Variants in DGKI observed in about 807,000 individuals in gnomAD.
The protein encoded by DGKI is DAG kinase iota.
In DGKI, 55 loss-of-function variants were observed where a neutral mutation model predicts 147.5. The ratio of observed to expected loss-of-function variants is 0.37; its 90% CI spans 0.30 to 0.47. DGKI has a LOEUF of 0.47. Among genes scored for constraint, DGKI ranks in the 20% least tolerant of loss-of-function variants. The pLI is 1.00. For synonymous variants in DGKI, 469 were observed against 477.1 expected (o/e 0.98, Z 0.22); for missense variants, 1,007 against 1,323.8 (o/e 0.76, Z 3.71).
intron 8 of DGKI, among the ~76,000 whole-genome samples, chr7:137,616,932 C>G (rs1820552210): frequency 6.6e-6 from 1 of 151,548 alleles, no homozygotes; most frequent in Non-Finnish European, 1.5e-5. Flanking sequence ...TTGGCAACCC[C>G]TAATGCAATA....
At chr7:137,622,948 A>G (rs1467100243) in intron 7 of DGKI, among the ~76,000 whole-genome samples, 1 of 152,238 alleles carries the variant, frequency 6.6e-6, no homozygotes, top group Non-Finnish European at 1.5e-5. Flanking sequence ...ATGAGTGTAC[A>G]GACAACATCC....
At chr7:137,839,500 A>G (rs1798487192) in intron 1 of DGKI, among the ~76,000 whole-genome samples, 1 of 152,136 alleles carries the variant, frequency 6.6e-6, no homozygotes, top group Admixed American at 6.5e-5. Flanking sequence ...GTACTTTGTG[A>G]CTCATTTAAA....
At position 137,469,022 on chromosome 7, in the gene DGKI, G is replaced by A. The variant is rs117839786; in HGVS notation, c.2443+528C>T. Among the ~76,000 whole-genome samples the A allele has an allele frequency of 4.4e-4, 67 of 152,118 alleles. No individual in the cohort carries two copies. The East Asian group carries it at 0.01, about 23-fold the overall frequency. Reference sequence around the variant, plus strand: ...AGAGAGATACTTGAGATAAAAAAACGGACTCATTAAACAATCATAAGATAA... The same window carrying A: ...AGAGAGATACTTGAGATAAAAAAACAGACTCATTAAACAATCATAAGATAA... On this transcript the variant is annotated intron_variant, in intron 24 of 32. Coordinates refer to ENST00000614521, the MANE Select transcript of DGKI (RefSeq NM_001321708.2).
intron 1 of DGKI, among the ~76,000 whole-genome samples, chr7:137,714,280 C>T (rs769725116): frequency 1.3e-5 from 2 of 152,008 alleles, no homozygotes; most frequent in African/African-American, 2.4e-5. Context: ...CTTTTCCTTT[C>T]AAGGTTAAAA....
chr7:137,770,306 G>A (rs902121639), intron 1 of DGKI, among the ~76,000 whole-genome samples: 18 of 152,028 alleles, frequency 1.2e-4, no homozygotes, highest in African/African-American at 4.3e-4. Context: ...ACACACATCA[G>A]GGCCTGTCTG....
intron 1 of DGKI, among the ~76,000 whole-genome samples, chr7:137,843,032 T>C (rs144527815): frequency 3.1e-4 from 47 of 152,310 alleles, no homozygotes; most frequent in African/African-American, 1.1e-3. Flanking sequence ...ATCTGTGTTT[T>C]AAATTCTGCC....
In DGKI at chr7:137,585,240, G is replaced by A. The variant is rs1027676748; in HGVS notation, c.1532C>T (p.Pro511Leu). 3.1e-6 allele frequency: 5 copies of A among 1,613,980 alleles called. No homozygotes were observed. The highest frequency in any genetic ancestry group is 2.5e-6 in the Non-Finnish European group (3 of 1,180,026). The change falls in exon 14 of 33, where the codon CCT becomes CTT. Residue 511 changes from proline (P) to leucine (L), a missense_variant. Pro to Leu is a moderately conservative substitution (Grantham distance 98, BLOSUM62 -3). This residue lies in a region of DGKI where 224 missense variants were observed against 382.7 expected (regional missense o/e 0.59). Coordinates refer to ENST00000614521, the MANE Select transcript of DGKI (RefSeq NM_001321708.2). The stretch of plus-strand genomic sequence containing the variant: ...TACGCCATCTTCAAGTTCTTCTGGA[G>A]GCAAGTCGGGGTTTCTTTCCACATG... ...NLHVERNPDL[P>L]PEELEDGVCK...
chr7:137,488,111 C>A (rs7807425), intron 21 of DGKI, among the ~76,000 whole-genome samples: 24,549 of 152,004 alleles, frequency 0.16, 2,965 homozygotes, highest in African/African-American at 0.35. Flanking sequence ...GGGAATTAAA[C>A]ATTGAGGATT....
At chr7:137,657,793 C>T (rs1039313343) in intron 3 of DGKI, among the ~76,000 whole-genome samples, 7 of 152,094 alleles carry the variant, frequency 4.6e-5, no homozygotes, top group South Asian at 2.1e-4. Context: ...AGCATTGCTG[C>T]GGCCAGAGAT....
At chr7:137,666,993 T>C (rs901542067) in intron 3 of DGKI, among the ~76,000 whole-genome samples, 1 of 152,176 alleles carries the variant, frequency 6.6e-6, no homozygotes, top group African/African-American at 2.4e-5. Flanking sequence ...TTTTCTATGC[T>C]TCTCAGCTTA....
At position 137,712,693 on chromosome 7, in the gene DGKI, T is replaced by C. The variant is rs79672132; in HGVS notation, c.402-22691A>G. On this transcript the variant is annotated intron_variant, in intron 1 of 32. Coordinates refer to ENST00000614521, the MANE Select transcript of DGKI (RefSeq NM_001321708.2). ...GAACCTGCAGGCACTCTTTGGAAGA[T>C]TCTGAATGTTAATAGTCGTCATATT... 4.5e-3 allele frequency among the ~76,000 whole-genome samples: 687 copies of C among 152,314 alleles called. 3 individuals are homozygous for C. The highest frequency in any genetic ancestry group is 0.01 in the Middle Eastern group (3 of 294).
At chr7:137,805,596 G>A (rs899728774) in intron 1 of DGKI, among the ~76,000 whole-genome samples, 1 of 152,202 alleles carries the variant, frequency 6.6e-6, no homozygotes, top group Non-Finnish European at 1.5e-5. Context: ...CAAGGGCAGT[G>A]CATAAGCATG....
intron 1 of DGKI, among the ~76,000 whole-genome samples, chr7:137,739,298 C>T (rs1413025879): frequency 6.6e-6 from 1 of 152,154 alleles, no homozygotes; most frequent in Non-Finnish European, 1.5e-5. Context: ...CTATTGTCTA[C>T]CCAGTGTCAT....
intron 12 of DGKI, among the ~76,000 whole-genome samples, chr7:137,596,017 A>G (rs1177146798): frequency 2.1e-5 from 3 of 145,188 alleles, no homozygotes; most frequent in East Asian, 3.9e-4. Context: ...AAAAAAAAAA[A>G]AAAAAAAAAA....
In DGKI at chr7:137,638,615, C is replaced by CATATATGTATGTATATGTGTGTATATAT. The variant is rs1383387447; in HGVS notation, c.804+6856_804+6857insATATATACACACATATACATACATATAT. Among the ~76,000 whole-genome samples the CATATATGTATGTATATGTGTGTATATAT allele has an allele frequency of 1.9e-3, 16 of 8,230 alleles. 3 individuals are homozygous for CATATATGTATGTATATGTGTGTATATAT. The highest frequency in any genetic ancestry group is 1.6e-3 in the Non-Finnish European group (6 of 3,658). The allele number at this position is 8,230 out of a possible 152,430, so 5.4% of individuals were successfully genotyped here. ...ATATACATATATGTATATATATACA[C>CATATATGTATGTATATGTGTGTATATAT]ACACACATATATATGTGTGTATATA... On this transcript the variant is annotated intron_variant, in intron 6 of 32. Transcript: ENST00000614521.
At chr7:137,568,934 C>G (rs1171728429) in intron 19 of DGKI, among the ~76,000 whole-genome samples, 3 of 150,100 alleles carry the variant, frequency 2.0e-5, no homozygotes, top group African/African-American at 7.3e-5. Flanking sequence ...AAAAAAACAC[C>G]CATACCAGAA....
At chr7:137,585,632 C>G (rs953689565) in intron 13 of DGKI, among the ~76,000 whole-genome samples, 1 of 152,132 alleles carries the variant, frequency 6.6e-6, no homozygotes, top group Non-Finnish European at 1.5e-5. Context: ...GGCTGGATGG[C>G]TACTTTGTTA....
intron 1 of DGKI, among the ~76,000 whole-genome samples, chr7:137,735,878 C>T (rs771549729): frequency 7.2e-5 from 11 of 152,054 alleles, no homozygotes; most frequent in Admixed American, 2.6e-4. Flanking sequence ...GGCTCATGGC[C>T]ACACTAAACG....
chr7:137,498,750 A>T (rs1295472869), intron 21 of DGKI, among the ~76,000 whole-genome samples: 1 of 152,190 alleles, frequency 6.6e-6, no homozygotes, highest in Non-Finnish European at 1.5e-5. Flanking sequence ...AATAAAGTTG[A>T]ATTTGCAATA....
Sources: allele counts gnomAD v4.1 joint callset (sites outside exome capture counted in the v4.1 genomes callset), GRCh38; gene constraint gnomAD v4.1.1; regional missense constraint gnomAD v4.1.1; transcripts MANE v1.5; gene names NCBI Gene and HGNC (gene_info 2026-07-23, HGNC 2026-07-21).